Variants in TRIM29 observed in about 807,000 individuals in gnomAD.
TRIM29 encodes the protein tripartite motif containing 29, also known as tripartite motif-containing protein 29.
Under a neutral mutation model 57.3 loss-of-function variants are expected in TRIM29, and 52 were observed. That is an observed-to-expected ratio of 0.91 (90% CI 0.73 to 1.14). The LOEUF is 1.14. Ranked by LOEUF, TRIM29 falls within the 50% of genes most tolerant of loss-of-function variation. The probability of loss-of-function intolerance (pLI) is 0.00; values close to 1 mark genes in which losing one functional copy is unlikely to be tolerated. For synonymous variants in TRIM29, 319 were observed against 316.9 expected, an observed-to-expected ratio of 1.01 and a Z score of -0.07; for missense variants, 753 against 774.6, an observed-to-expected ratio of 0.97 and a Z score of 0.33.
Position 120,135,219 on chromosome 11 carries a change from T to A in TRIM29, c.804+2009A>T, listed in dbSNP as rs767129120. ...TTTGAGGCCAAACCCACATAGAAGA[T>A]AATCAATAAGAATGTCCTTTGCTTG... On this transcript the variant is annotated intron_variant, in intron 1 of 8. Coordinates refer to ENST00000341846, the MANE Select transcript of TRIM29 (RefSeq NM_012101.4). 9.6e-4 allele frequency among the ~76,000 whole-genome samples: 146 copies of A among 152,170 alleles called. 4 individuals are homozygous for A. The highest frequency in any genetic ancestry group is 4.1e-4 in the Non-Finnish European group (28 of 68,040).
chr11:120,132,278 TC>T (rs397841242), intron 1 of TRIM29, among the ~76,000 whole-genome samples: 9 of 150,128 alleles, frequency 6.0e-5, no homozygotes, highest in South Asian at 2.1e-4. Context: ...TCTCTCCCTC[TC>T]TCCCTCTTCC....
Position 120,137,393 on chromosome 11 carries a change from C to T in TRIM29, c.639G>A (p.Leu213=). 2 of 1,612,812 alleles carry T rather than the reference C, an allele frequency of 1.2e-6. No individual in the cohort carries two copies. Among genetic ancestry groups the T allele is most frequent in the Non-Finnish European group, 1.7e-6 (2 of 1,180,012 alleles). ...CCTCAAAGTCCCGGATGGGCTCGAGCAGCTGGTGGTCTCGGAAGGCGGCGC... is the reference window on the plus strand; with the variant it reads ...CCTCAAAGTCCCGGATGGGCTCGAGTAGCTGGTGGTCTCGGAAGGCGGCGC... ...LEGAAFRDHQ[L]LEPIRDFEAR... Residue 213 remains leucine (L), a synonymous_variant, in exon 1 of 9, where the codon CTG becomes CTA. Coordinates refer to ENST00000341846, the MANE Select transcript of TRIM29 (RefSeq NM_012101.4). This position sits in a 1 kb window ranked among gnomAD's most constrained non-coding sequence, Gnocchi z 6.2.
rs570461440 is a variant in TRIM29 at position 120,127,380 on chromosome 11, G to T, written c.1090C>A (p.Arg364=). ...AKVLHEDKQT[R]EQLHSISDSV... is the part of the protein sequence containing the mutation. ...TCGCTGATGCTATGCAGCTGCTCCC[G>T]GGTCTGCTTGTCCTCATGCAGCACC... is the stretch of plus-strand genomic sequence containing the variant. The change falls in exon 3 of 9, where the codon CGG becomes AGG. Residue 364 remains arginine (R), a synonymous_variant. Coordinates refer to ENST00000341846, the MANE Select transcript of TRIM29 (RefSeq NM_012101.4). 1 of 1,612,040 alleles carries T rather than the reference G, an allele frequency of 6.2e-7. No homozygotes were observed. Among genetic ancestry groups the T allele is most frequent in the South Asian group, 1.1e-5 (1 of 91,016 alleles).
rs1863624400 is a variant in TRIM29 at position 120,127,701 on chromosome 11, T to C, written c.901-132A>G. 1.3e-5 allele frequency: 10 copies of C among 791,798 alleles called. No individual in the cohort carries two copies. In the Admixed American group the frequency reaches 2.7e-4, roughly 22 times the overall value. The allele number at this position is 791,798 out of a possible 1,614,324, so 49.0% of individuals were successfully genotyped here. A position where few individuals can be genotyped will look rare whatever the true frequency, so the allele number is the denominator to read the frequency against. On this transcript the variant is annotated intron_variant, in intron 2 of 8. Transcript: ENST00000341846. ...CCACTGCCCCAACCTGGCAAGCCTATTTGGCCAAGAATCTCATTCAAAGGC... is the reference window on the plus strand; with the variant it reads ...CCACTGCCCCAACCTGGCAAGCCTACTTGGCCAAGAATCTCATTCAAAGGC...
chr11:120,137,462 G>A lies in TRIM29; in HGVS notation c.570C>T (p.Cys190=), dbSNP rs1264181321. 1 of 1,604,528 alleles carries A rather than the reference G, an allele frequency of 6.2e-7. No individual in the cohort carries two copies. Among genetic ancestry groups the A allele is most frequent in the Non-Finnish European group, 8.5e-7 (1 of 1,179,940 alleles). The change falls in exon 1 of 9, where the codon TGC becomes TGT. Residue 190 remains cysteine, a synonymous_variant. Coordinates refer to ENST00000341846, the MANE Select transcript of TRIM29 (RefSeq NM_012101.4). The surrounding 1 kb of genome is among the most constrained non-coding windows in gnomAD (Gnocchi z 6.2). ...KQKAVKSCLV[C]QASFCELHLK... ...GATGCAGCTCGCAGAAGGAGGCCTG[G>A]CACACCAGGCAGGACTTGACCGCCT...
chr11:120,134,617 C>A (rs1337041933), intron 1 of TRIM29, among the ~76,000 whole-genome samples: 2 of 152,230 alleles, frequency 1.3e-5, no homozygotes, highest in Non-Finnish European at 2.9e-5. Flanking sequence ...CCCCGCCTAG[C>A]CCTATGCTGC....
At chr11:120,115,723 C>A in intron 7 of TRIM29, 1 of 339,950 alleles carries the variant, frequency 2.9e-6, no homozygotes, top group Non-Finnish European at 5.4e-6. Context: ...GCAGGGATTT[C>A]CACTCACCCA....
In TRIM29 at chr11:120,120,638, G is replaced by T; in HGVS notation, c.1463C>A (p.Ser488Ter). ...KGGVRTSYQP[S>*]SPGRFTKETT... ...CTCCTTGGTGAAGCGGCCAGGAGAC[G>T]AGGGCTGGTATGATGTCCGGACCCC... The change falls in exon 6 of 9, where the codon TCG (serine) becomes TAG (stop). Residue 488 changes from serine to a stop codon, truncating the protein, a stop_gained. Transcript: ENST00000341846. LOFTEE classifies it high-confidence loss of function. 6.2e-7 allele frequency: 1 copy of T among 1,613,886 alleles called. No individual in the cohort carries two copies. The highest frequency in any genetic ancestry group is 8.5e-7 in the Non-Finnish European group (1 of 1,179,980).
chr11:120,129,640 G>A (rs2135021648), intron 1 of TRIM29, among the ~76,000 whole-genome samples: 1 of 151,824 alleles, frequency 6.6e-6, no homozygotes, highest in Non-Finnish European at 1.5e-5. Flanking sequence ...CACACCTTCT[G>A]AACGCCCCAC....
intron 5 of TRIM29, chr11:120,121,974 C>T (rs749251008): frequency 2.2e-6 from 1 of 448,434 alleles, no homozygotes; most frequent in South Asian, 1.6e-5. Flanking sequence ...GGCAGGCTGG[C>T]CGGCTGGGGC....
intron 1 of TRIM29, among the ~76,000 whole-genome samples, chr11:120,130,229 G>T (rs529101750): frequency 6.6e-6 from 1 of 152,134 alleles, no homozygotes; most frequent in Non-Finnish European, 1.5e-5. Flanking sequence ...TGGACTGGGG[G>T]TCTGTCCGAA....
In TRIM29 at chr11:120,127,381, G is replaced by A. The variant is rs778942824; in HGVS notation, c.1089C>T (p.Thr363=). 2.2e-5 allele frequency: 36 copies of A among 1,613,928 alleles called. No homozygotes were observed. The highest frequency in any genetic ancestry group is 1.0e-4 in the Admixed American group (6 of 59,998). Residue 363 remains threonine, a synonymous_variant, in exon 3 of 9, where the codon ACC becomes ACT. Transcript: ENST00000341846. ...RAKVLHEDKQ[T]REQLHSISDS... is the part of the protein sequence containing the mutation. ...CGCTGATGCTATGCAGCTGCTCCCG[G>A]GTCTGCTTGTCCTCATGCAGCACCT...
At chr11:120,136,620 G>T (rs943441492) in intron 1 of TRIM29, among the ~76,000 whole-genome samples, 2 of 152,044 alleles carry the variant, frequency 1.3e-5, no homozygotes, top group African/African-American at 4.8e-5. Context: ...ACCAGCTGGG[G>T]ATCAGCTAGA....
chr11:120,132,914 G>A (rs746984176), intron 1 of TRIM29, among the ~76,000 whole-genome samples: 1 of 152,138 alleles, frequency 6.6e-6, no homozygotes, highest in African/African-American at 2.4e-5. Flanking sequence ...GGAGGGGTGA[G>A]ATGGGGCAAG....
chr11:120,137,667 G>A lies in TRIM29; in HGVS notation c.365C>T (p.Ala122Val). The change falls in exon 1 of 9, where the codon GCC (alanine) becomes GTC (valine). Residue 122 changes from alanine to valine, a missense_variant. Coordinates refer to ENST00000341846, the MANE Select transcript of TRIM29 (RefSeq NM_012101.4). This position sits in a 1 kb window ranked among gnomAD's most constrained non-coding sequence, Gnocchi z 6.2. ...GAAKKPPVTFAEKGELRKSIF... is the reference protein window; with the variant it reads ...GAAKKPPVTFVEKGELRKSIF... ...GGACTTGCGCAGCTCGCCCTTTTCG[G>A]CAAAGGTAACGGGTGGCTTCTTGGC... is the stretch of plus-strand genomic sequence containing the variant. The A allele has an allele frequency of 1.2e-6, 2 of 1,613,602 alleles. No individual in the cohort carries two copies. Among genetic ancestry groups the A allele is most frequent in the Non-Finnish European group, 1.7e-6 (2 of 1,180,020 alleles).
Position 120,112,261 on chromosome 11 carries a change from G to T in TRIM29, c.*153C>A. 1.2e-6 allele frequency: 1 copy of T among 800,916 alleles called. No homozygotes were observed. The highest frequency in any genetic ancestry group is 2.7e-5 in the Admixed American group (1 of 36,606). The allele number at this position is 800,916 out of a possible 1,614,324, so 49.6% of individuals were successfully genotyped here. ...GCCAGTGGGGAAGTCGGAGAGGCCGGAACTGCCCCCAAGAGGCTGGCAGAG... is the reference window on the plus strand; with the variant it reads ...GCCAGTGGGGAAGTCGGAGAGGCCGTAACTGCCCCCAAGAGGCTGGCAGAG... On this transcript the variant is annotated 3_prime_UTR_variant, in exon 9 of 9. Transcript: ENST00000341846.
rs1315188075 is a variant in TRIM29 at position 120,137,642 on chromosome 11, G to A, written c.390C>T (p.Ser130=). 6.2e-7 allele frequency: 1 copy of A among 1,613,688 alleles called. No homozygotes were observed. Among genetic ancestry groups the A allele is most frequent in the Admixed American group, 1.7e-5 (1 of 60,030 alleles). The change falls in exon 1 of 9, where the codon TCC becomes TCT. Residue 130 remains serine, a synonymous_variant. Transcript: ENST00000341846. This position sits in a 1 kb window ranked among gnomAD's most constrained non-coding sequence, Gnocchi z 6.2. The stretch of plus-strand genomic sequence containing the variant: ...TGGGCTTCCGGGACTCCGAGAAAAT[G>A]GACTTGCGCAGCTCGCCCTTTTCGG... ...TFAEKGELRK[S]IFSESRKPTV... is the part of the protein sequence containing the mutation.
At chr11:120,121,116 G>A (rs564264543) in intron 5 of TRIM29, among the ~76,000 whole-genome samples, 3 of 152,128 alleles carry the variant, frequency 2.0e-5, no homozygotes, top group East Asian at 1.9e-4. Context: ...TACCACCACC[G>A]ATACCCAGCT....
In TRIM29 at chr11:120,137,352, A is replaced by T; in HGVS notation, c.680T>A (p.Val227Glu). ...GAAGAGCTCCATCGTCTTGCCATGC[A>T]CGGGACACTTGCGGGCCTCAAAGTC... ...IRDFEARKCPVHGKTMELFCQ... is the reference protein window; with the variant it reads ...IRDFEARKCPEHGKTMELFCQ... Residue 227 changes from valine (V) to glutamate (E), a missense_variant, in exon 1 of 9, where the codon GTG becomes GAG. Transcript: ENST00000341846. This position sits in a 1 kb window ranked among gnomAD's most constrained non-coding sequence, Gnocchi z 6.2. 6.2e-7 allele frequency: 1 copy of T among 1,613,914 alleles called. No individual in the cohort carries two copies. The highest frequency in any genetic ancestry group is 8.5e-7 in the Non-Finnish European group (1 of 1,179,992).
Sources: gnomAD v4.1 joint callset for allele counts (sites outside exome capture counted in the v4.1 genomes callset) on GRCh38, gnomAD v4.1.1 for gene constraint, Gnocchi (gnomAD v3.1) non-coding constraint, MANE v1.5 for transcripts, NCBI Gene and HGNC (gene_info 2026-07-23, HGNC 2026-07-21) for gene names.